Variants in MUC4 observed in about 807,000 individuals in gnomAD.
MUC4 encodes mucin 4, cell surface associated.
Under a neutral mutation model 257.9 loss-of-function variants are expected in MUC4, and 202 were observed. The observed-to-expected ratio is 0.78, with a 90% CI of 0.70 to 0.88. The LOEUF (loss-of-function observed/expected upper bound fraction) is 0.88. Among genes scored for constraint, MUC4 ranks in the 40% least tolerant of loss-of-function variants. The pLI, the probability that MUC4 is intolerant of heterozygous loss-of-function variation, is 0.00. For missense variants in MUC4, 5,976 were observed against 6,513.7 expected (o/e 0.92, Z 2.84); for synonymous variants, 2,351 against 2,757.1 (o/e 0.85, Z 4.62).
At chr3:195,752,612 CGCTG>C (rs1321045093) in intron 20 of MUC4, 166 bp from the exon 21 acceptor site, 22 of 618,918 alleles carry the variant, frequency 3.6e-5, no homozygotes, top group African/African-American at 3.5e-4. Flanking sequence ...GACAGAAGGT[CGCTG>C]AAGAAACCGG....
At chr3:195,792,425 A>G (rs1031845686) in intron 1 of MUC4, among the ~76,000 whole-genome samples, 2 of 152,268 alleles carry the variant, frequency 1.3e-5, no homozygotes, top group Non-Finnish European at 2.9e-5. Flanking sequence ...TCAAAACTAC[A>G]AAGGGATATC....
rs1348354521 is a variant in MUC4 at position 195,782,863 on chromosome 3, G to T, written c.8717C>A (p.Ser2906Tyr). ...AGGAAGAGGCGTGGTGTCACCTGTG[G>T]ATACTGAGGAAAGGCTGGTGAGAGG... The part of the protein sequence containing the change: ...PLPLTSLSSV[S>Y]TGDTTPLPVT... Residue 2906 changes from serine to tyrosine, a missense_variant, in exon 2 of 25, where the codon TCC becomes TAC. Ser to Tyr is a moderately radical substitution (Grantham distance 144). Transcript: ENST00000463781. 1 of 1,523,790 alleles carries T rather than the reference G, an allele frequency of 6.6e-7. No homozygotes were observed. Among genetic ancestry groups the T allele is most frequent in the Non-Finnish European group, 8.9e-7 (1 of 1,128,620 alleles). 94.4% of individuals were successfully genotyped at this position (1,523,790 alleles called of 1,614,324 possible). A position where few individuals can be genotyped will look rare whatever the true frequency, so the allele number is the denominator to read the frequency against.
intron 7 of MUC4, among the ~76,000 whole-genome samples, chr3:195,767,529 CGCCACCACCAT>C: frequency 1.5e-5 from 1 of 67,872 alleles, no homozygotes; most frequent in African/African-American, 6.4e-5. Context: ...CCACCACCAT[CGCCACCACCAT>C]CATCACCATC....
rs1278894744 is a variant in MUC4, at chr3:195,780,627, G to C, written c.10953C>G (p.Val3651=). ...VSTGDTTPLL[V]TDASSVSTGH... ...CTGTGGATACTGAGGAAGCGTCGGTGACAAGAAGAGGGGTGGTGTCACCTG... is the reference window on the plus strand; with the variant it reads ...CTGTGGATACTGAGGAAGCGTCGGTCACAAGAAGAGGGGTGGTGTCACCTG... The change falls in exon 2 of 25, where the codon GTC becomes GTG. Residue 3651 remains valine, a synonymous_variant. Transcript: ENST00000463781. The C allele has an allele frequency of 7.3e-6, 11 of 1,502,506 alleles. No individual in the cohort carries two copies. The highest frequency in any genetic ancestry group is 9.7e-6 in the Non-Finnish European group (11 of 1,130,728). The allele number at this position is 1,502,506 out of a possible 1,614,324, so 93.1% of individuals were successfully genotyped here.
At chr3:195,751,309 C>A in intron 21 of MUC4, 38 bp from the exon 22 acceptor site, 1 of 1,519,212 alleles carries the variant, frequency 6.6e-7, no homozygotes, top group Non-Finnish European at 9.0e-7. Flanking sequence ...GGGGGTGAGG[C>A]CCCATCCGGG....
At chr3:195,778,716 C>T in intron 2 of MUC4, 74 bp downstream of exon 2, 2 of 1,462,088 alleles carry the variant, frequency 1.4e-6, no homozygotes, top group Non-Finnish European at 1.9e-6. Flanking sequence ...CACCAGTGTT[C>T]TCAGGTACTC....
chr3:195,772,687 CAG>C (rs1428177912), intron 4 of MUC4, among the ~76,000 whole-genome samples: 2 of 147,832 alleles, frequency 1.4e-5, no homozygotes, highest in Non-Finnish European at 3.0e-5. Context: ...CTCCATCCCT[CAG>C]GGGTGTAGAC....
At chr3:195,754,828 ATG>A (rs982938647) in intron 18 of MUC4, among the ~76,000 whole-genome samples, 3 of 151,476 alleles carry the variant, frequency 2.0e-5, no homozygotes, top group African/African-American at 7.3e-5. Context: ...GTGTGTATCC[ATG>A]TGTGTATGTA....
chr3:195,769,216 T>TC lies in MUC4; in HGVS notation c.13399-65dup, dbSNP rs1025974424. On this transcript the variant is annotated intron_variant, in intron 6 of 24. Transcript: ENST00000463781. ...GAGATCCGGGGTCTCCTCTCTTATG[T>TC]CCCCCCGCCCGTCCCACAGCCCTGC... 1.2e-5 allele frequency: 19 copies of TC among 1,583,834 alleles called. No individual in the cohort carries two copies. In the African/African-American group the frequency reaches 1.8e-4, roughly 15 times the overall value.
chr3:195,803,796 T>A (rs1222225380), intron 1 of MUC4, among the ~76,000 whole-genome samples: 1 of 152,192 alleles, frequency 6.6e-6, no homozygotes, highest in Non-Finnish European at 1.5e-5. Flanking sequence ...GCTGCTCAGC[T>A]CTGGGACTGC....
At position 195,780,398 on chromosome 3, in the gene MUC4, G is replaced by A. The variant is rs769680500; in HGVS notation, c.11182C>T (p.Pro3728Ser). Residue 3728 changes from proline to serine, a missense_variant, in exon 2 of 25, where the codon CCT (proline) becomes TCT (serine). This residue lies in a region of MUC4 where 330 missense variants were observed against 262.0 expected (regional missense o/e 1.26). Coordinates refer to ENST00000463781, the MANE Select transcript of MUC4 (RefSeq NM_018406.7). ...GAGGAAGGGCTGGTGACATGAAGAG[G>A]GGTGACGTGACCTGTAGATACTGAG... ...TSSVSTGHVT[P>S]LHVTSPSSAS... is the part of the protein sequence containing the mutation. 1.6e-5 allele frequency: 24 copies of A among 1,529,336 alleles called. No individual in the cohort carries two copies. The highest frequency in any genetic ancestry group is 2.0e-5 in the Non-Finnish European group (23 of 1,140,406). The allele number at this position is 1,529,336 out of a possible 1,614,324, so 94.7% of individuals were successfully genotyped here.
chr3:195,780,283 G>A lies in MUC4; in HGVS notation c.11297C>T (p.Ala3766Val), dbSNP rs1399869604. 4 of 1,529,644 alleles carry A rather than the reference G, an allele frequency of 2.6e-6. No homozygotes were observed. The East Asian group carries it at 7.4e-5, about 28-fold the overall frequency. The allele number at this position is 1,529,644 out of a possible 1,614,324, so 94.8% of individuals were successfully genotyped here. Residue 3766 changes from alanine (A) to valine (V), a missense_variant, in exon 2 of 25, where the codon GCT (alanine) becomes GTT (valine). Transcript: ENST00000463781. ...GGCGTGACCTGTGGACACTGAGGAA[G>A]CGTCGGTGACAAGAAGAGGGGTGGC... The part of the protein sequence containing the change: ...GHATPLLVTD[A>V]SSVSTGHATP...
rs867818706 is a variant in MUC4 at position 195,779,995 on chromosome 3, G to C, written c.11585C>G (p.Pro3862Arg). The C allele has an allele frequency of 7.1e-6, 10 of 1,417,746 alleles. No homozygotes were observed. The highest frequency in any genetic ancestry group is 9.3e-6 in the Non-Finnish European group (10 of 1,070,540). The allele number at this position is 1,417,746 out of a possible 1,614,324, so 87.8% of individuals were successfully genotyped here. Reference sequence around the variant, plus strand: ...GGCGTGACCTGTGGATGCTGAGGAAGGGCTAGTGACAGGAAGAGGCATGGT... The same window carrying C: ...GGCGTGACCTGTGGATGCTGAGGAACGGCTAGTGACAGGAAGAGGCATGGT... The part of the protein sequence containing the change: ...GDTMPLPVTS[P>R]SSASTGHATP... The change falls in exon 2 of 25, where the codon CCT becomes CGT. Residue 3862 changes from proline (P) to arginine (R), a missense_variant. Pro to Arg is a moderately radical substitution (Grantham distance 103). Around this residue, in one of 44 missense-constraint regions of MUC4, gnomAD observed 330 missense variants for 262.0 expected, o/e 1.26. Coordinates refer to ENST00000463781, the MANE Select transcript of MUC4 (RefSeq NM_018406.7).
At chr3:195,778,543 G>A in intron 2 of MUC4, 88 bp from the exon 3 acceptor site, 1 of 1,546,172 alleles carries the variant, frequency 6.5e-7, no homozygotes, top group Non-Finnish European at 8.8e-7. Flanking sequence ...GGAGCTGGAA[G>A]AGGGAGCTGG....
intron 1 of MUC4, 152 bp from the exon 2 acceptor site, chr3:195,791,649 A>G (rs1398729534): frequency 1.6e-6 from 1 of 622,918 alleles, no homozygotes; most frequent in Non-Finnish European, 2.8e-6. Context: ...ACTACTTTAA[A>G]ATTCATATGG....
At position 195,788,724 on chromosome 3, in the gene MUC4, G is replaced by C. The variant is rs1312765449; in HGVS notation, c.2856C>G (p.Thr952=). The change falls in exon 2 of 25, where the codon ACC becomes ACG. Residue 952 remains threonine, a synonymous_variant. Transcript: ENST00000463781. Reference sequence around the variant, plus strand: ...CTGAAGGTGACAGAGTGTGGGTCTCGGTTTGTGGAGATGTAAGCCCAGTGG... The same window carrying C: ...CTGAAGGTGACAGAGTGTGGGTCTCCGTTTGTGGAGATGTAAGCCCAGTGG... The part of the protein sequence containing the change: ...ITSTGLTSPQ[T]ETHTLSPSGS... The C allele has an allele frequency of 3.7e-6, 6 of 1,612,734 alleles. No homozygotes were observed. Among genetic ancestry groups the C allele is most frequent in the East Asian group, 2.2e-5 (1 of 44,874 alleles).
intron 1 of MUC4, among the ~76,000 whole-genome samples, chr3:195,805,334 C>G (rs537750815): frequency 6.6e-6 from 1 of 152,304 alleles, no homozygotes; most frequent in South Asian, 2.1e-4. Context: ...AGCTCCAGCA[C>G]CAAACCAAGA....
At position 195,811,866 on chromosome 3, in the gene MUC4, G is replaced by A. The variant is rs1736794216; in HGVS notation, c.-49C>T. 2.5e-6 allele frequency: 4 copies of A among 1,583,154 alleles called. No individual in the cohort carries two copies. Among genetic ancestry groups the A allele is most frequent in the African/African-American group, 2.7e-5 (2 of 74,462 alleles). ...CTCCCTGGGGAAGCTCCACGGCCCA[G>A]CAGCTGCAGTGTGAGGAGCAGACGT... is the stretch of plus-strand genomic sequence containing the variant. On this transcript the variant is annotated 5_prime_UTR_variant, in exon 1 of 25. Transcript: ENST00000463781.
chr3:195,792,186 A>G (rs1733944633), intron 1 of MUC4, among the ~76,000 whole-genome samples: 1 of 152,236 alleles, frequency 6.6e-6, no homozygotes, highest in South Asian at 2.1e-4. Context: ...AACTATCATC[A>G]GAGCAAACAG....
Sources: gnomAD v4.1 joint callset for allele counts (sites outside exome capture counted in the v4.1 genomes callset) on GRCh38, gnomAD v4.1.1 for gene constraint, gnomAD v4.1.1 regional missense constraint, MANE v1.5 for transcripts, NCBI Gene and HGNC (gene_info 2026-07-23, HGNC 2026-07-21) for gene names.